NFATC4: variants seen among roughly 807,000 people sequenced by gnomAD.
NFATC4 encodes nuclear factor of activated T cells 4.
Under a neutral mutation model 73.4 loss-of-function variants are expected in NFATC4, and 25 were observed. The observed-to-expected ratio is 0.34, with a 90% CI of 0.25 to 0.48. NFATC4 has a LOEUF of 0.48. Among genes scored for constraint, NFATC4 ranks in the 20% least tolerant of loss-of-function variants. The probability of loss-of-function intolerance (pLI) is 0.99; values close to 1 mark genes in which losing one functional copy is unlikely to be tolerated. For synonymous variants in NFATC4, 523 were observed against 510.3 expected (o/e 1.02, Z -0.34); for missense variants, 1,130 against 1,203.7 (o/e 0.94, Z 0.91).
At position 24,369,505 on chromosome 14, in the gene NFATC4, A is replaced by G; in HGVS notation, c.107A>G (p.Asp36Gly). The G allele has an allele frequency of 1.2e-6, 2 of 1,611,064 alleles. No homozygotes were observed. The highest frequency in any genetic ancestry group is 1.7e-6 in the Non-Finnish European group (2 of 1,178,120). Residue 36 changes from aspartate (D) to glycine (G), a missense_variant, in exon 2 of 10, where the codon GAC becomes GGC. Physicochemically the swap from Asp to Gly is moderately conservative, Grantham distance 94 (BLOSUM62 -1). Coordinates refer to ENST00000250373, the MANE Select transcript of NFATC4 (RefSeq NM_004554.5). Reference sequence around the variant, plus strand: ...CCTCTTCCCATTTTGACAGAACTGGACTCAGAGGATGCCCCGCCATGCTGC... The same window carrying G: ...CCTCTTCCCATTTTGACAGAACTGGGCTCAGAGGATGCCCCGCCATGCTGC... ...LGAGGLGEEL[D>G]SEDAPPCCRL...
At chr14:24,368,131 T>C, upstream of NFATC4, 1 of 1,133,462 alleles carries the variant, frequency 8.8e-7, no homozygotes, top group Non-Finnish European at 1.1e-6. Context: ...AGGGACAGGC[T>C]GGGGGGGGGA....
Position 24,377,383 on chromosome 14 carries a change from A to C in NFATC4, c.2642-255A>C. ...CCCTGCTGATACCGATTCCCCTGAC[A>C]TTTCAGGCTAAGCCAGCAGGAAAGG... On this transcript the variant is annotated intron_variant, in intron 9 of 9. Coordinates refer to ENST00000250373, the MANE Select transcript of NFATC4 (RefSeq NM_004554.5). This position sits in a 1 kb window ranked among gnomAD's most constrained non-coding sequence, Gnocchi z 4.2. The C allele has an allele frequency of 7.3e-7, 1 of 1,362,414 alleles. No homozygotes were observed. Among genetic ancestry groups the C allele is most frequent in the Non-Finnish European group, 9.4e-7 (1 of 1,058,428 alleles). The allele number at this position is 1,362,414 out of a possible 1,614,324, so 84.4% of individuals were successfully genotyped here. A position where few individuals can be genotyped will look rare whatever the true frequency, so the allele number is the denominator to read the frequency against.
chr14:24,379,116 G>C lies in NFATC4; in HGVS notation c.*1411G>C, dbSNP rs1304677760. The C allele has an allele frequency of 6.6e-6, 1 of 152,326 alleles. No individual in the cohort carries two copies. Among genetic ancestry groups the C allele is most frequent in the Admixed American group, 6.5e-5 (1 of 15,286 alleles). 9.4% of individuals were successfully genotyped at this position (152,326 alleles called of 1,614,324 possible). A position where few individuals can be genotyped will look rare whatever the true frequency, so the allele number is the denominator to read the frequency against. ...CTAGCAAGTACTCAGGAGAGCAGGG[G>C]TGGGTGTGACAGAGGCTGGCTCTGG... On this transcript the variant is annotated 3_prime_UTR_variant, in exon 10 of 10. Coordinates refer to ENST00000250373, the MANE Select transcript of NFATC4 (RefSeq NM_004554.5).
At chr14:24,367,317 G>T, upstream of NFATC4, 1 of 1,545,292 alleles carries the variant, frequency 6.5e-7, no homozygotes, top group South Asian at 1.2e-5. Context: ...AACCTGGCAA[G>T]GATTTTTAGA....
rs73593209 is a variant in NFATC4 at position 24,377,499 on chromosome 14, C to A, written c.2642-139C>A. On this transcript the variant is annotated intron_variant, in intron 9 of 9. Coordinates refer to ENST00000250373, the MANE Select transcript of NFATC4 (RefSeq NM_004554.5). This position sits in a 1 kb window ranked among gnomAD's most constrained non-coding sequence, Gnocchi z 4.2. ...CAAGACGTGTTGGGGAAACTGAGGC[C>A]CAGTGGAATAGAAGCCAGTAGAGGA... 419 of 1,475,900 alleles carry A rather than the reference C, an allele frequency of 2.8e-4. 1 individual carries two copies. The African/African-American group carries it at 5.6e-3, about 20-fold the overall frequency. The allele number at this position is 1,475,900 out of a possible 1,614,324, so 91.4% of individuals were successfully genotyped here.
At position 24,376,005 on chromosome 14, in the gene NFATC4, A is replaced by C. The variant is rs1392389031; in HGVS notation, c.1960A>C (p.Ser654Arg). The change falls in exon 8 of 10, where the codon AGC (serine) becomes CGC (arginine). Residue 654 changes from serine (S) to arginine (R), a missense_variant. Around this residue, in one of 3 missense-constraint regions of NFATC4, gnomAD observed 390 missense variants for 408.1 expected, o/e 0.96. Transcript: ENST00000250373. The surrounding 1 kb of genome is among the most constrained non-coding windows in gnomAD (Gnocchi z 5.0). ...VTLTLTVPEY[S>R]NKRVSRPVQV... ...GCTGACCCTGACTGTCCCCGAGTAC[A>C]GCAACAAGAGGGTTTCCCGGCCAGT... 1 of 1,614,050 alleles carries C rather than the reference A, an allele frequency of 6.2e-7. No homozygotes were observed. The highest frequency in any genetic ancestry group is 8.5e-7 in the Non-Finnish European group (1 of 1,179,978).
intron 1 of NFATC4, 64 bp from the exon 2 acceptor site, chr14:24,369,435 C>CA (rs1208299153): frequency 6.2e-7 from 1 of 1,610,018 alleles, no homozygotes; most frequent in Non-Finnish European, 8.5e-7. Context: ...ACTCAAGGAA[C>CA]ATAGCCATCT....
In NFATC4 at chr14:24,376,746, G is replaced by A. The variant is rs1299179793; in HGVS notation, c.2509G>A (p.Ala837Thr). Residue 837 changes from alanine to threonine, a missense_variant, in exon 9 of 10, where the codon GCT becomes ACT. Physicochemically the swap from Ala to Thr is moderately conservative, Grantham distance 58. This residue lies in a region of NFATC4 where 390 missense variants were observed against 408.1 expected (regional missense o/e 0.96). Transcript: ENST00000250373. This position sits in a 1 kb window ranked among gnomAD's most constrained non-coding sequence, Gnocchi z 5.0. ...PSQSDVHPLP[A>T]EGYNKVGPGY... The stretch of plus-strand genomic sequence containing the variant: ...CCAGAGTGATGTGCATCCCCTACCT[G>A]CTGAGGGATACAATAAGGTAGGGCC... 1.2e-6 allele frequency: 2 copies of A among 1,613,926 alleles called. No homozygotes were observed. Among genetic ancestry groups the A allele is most frequent in the Non-Finnish European group, 1.7e-6 (2 of 1,179,960 alleles).
rs540072413 is a variant in NFATC4 at position 24,378,005 on chromosome 14, T to C, written c.*300T>C. 1.9e-5 allele frequency: 10 copies of C among 513,902 alleles called. No individual in the cohort carries two copies. The Admixed American group carries it at 3.3e-4, about 17-fold the overall frequency. The allele number at this position is 513,902 out of a possible 1,614,324, so 31.8% of individuals were successfully genotyped here. A position where few individuals can be genotyped will look rare whatever the true frequency, so the allele number is the denominator to read the frequency against. ...TGTCTAGAGTGTGGGCTGGCTGTTG[T>C]GCTGGAAAGCTGGGGACAGGTTGAT... On this transcript the variant is annotated 3_prime_UTR_variant, in exon 10 of 10. Coordinates refer to ENST00000250373, the MANE Select transcript of NFATC4 (RefSeq NM_004554.5).
In NFATC4 at chr14:24,368,421, C is replaced by CCCA. The variant is rs2042364954; in HGVS notation, c.81_82insCCA (p.Gly27_Ala28insPro). On this transcript the variant is annotated inframe_insertion, in exon 1 of 10. Transcript: ENST00000250373. ...AGGAAAAGGAGGCCCCCCCGCTGGGCGCGGGGGGATTGGGGGAAGGTTAGT... is the reference window on the plus strand; with the variant it reads ...AGGAAAAGGAGGCCCCCCCGCTGGGCCCAGCGGGGGGATTGGGGGAAGGTTAGT... 3 of 1,322,456 alleles carry CCCA rather than the reference C, an allele frequency of 2.3e-6. No homozygotes were observed. Among genetic ancestry groups the CCCA allele is most frequent in the African/African-American group, 3.1e-5 (2 of 64,408 alleles). The allele number at this position is 1,322,456 out of a possible 1,614,324, so 81.9% of individuals were successfully genotyped here.
intron 1 of NFATC4, chr14:24,369,112 A>G (rs2042390355): frequency 7.0e-7 from 1 of 1,423,640 alleles, no homozygotes; most frequent in Non-Finnish European, 9.2e-7. Flanking sequence ...GGCTCCTGCC[A>G]GCGCCGTTTG....
rs1376682156 is a variant in NFATC4, at chr14:24,368,397, G to A, written c.57G>A (p.Glu19=). ...TGGAATTTAAGCTGGTGTTCGGGGAGGAAAAGGAGGCCCCCCCGCTGGGCG... is the reference window on the plus strand; with the variant it reads ...TGGAATTTAAGCTGGTGTTCGGGGAAGAAAAGGAGGCCCCCCCGCTGGGCG... ...EELEFKLVFG[E]EKEAPPLGAG... The change falls in exon 1 of 10, where the codon GAG becomes GAA. Residue 19 remains glutamate (E), a synonymous_variant. Transcript: ENST00000250373. The A allele has an allele frequency of 8.1e-6, 11 of 1,356,726 alleles. No homozygotes were observed. Among genetic ancestry groups the A allele is most frequent in the Non-Finnish European group, 1.0e-5 (11 of 1,053,056 alleles). The allele number at this position is 1,356,726 out of a possible 1,614,324, so 84.0% of individuals were successfully genotyped here. A position where few individuals can be genotyped will look rare whatever the true frequency, so the allele number is the denominator to read the frequency against.
Position 24,378,789 on chromosome 14 carries a change from CTGG to C in NFATC4, c.*1085_*1087del, listed in dbSNP as rs2042697778. The C allele has an allele frequency of 1.3e-5, 2 of 152,414 alleles. No individual in the cohort carries two copies. The highest frequency in any genetic ancestry group is 2.9e-5 in the Non-Finnish European group (2 of 68,176). 9.4% of individuals were successfully genotyped at this position (152,414 alleles called of 1,614,324 possible). On this transcript the variant is annotated 3_prime_UTR_variant, in exon 10 of 10. Transcript: ENST00000250373. Reference sequence around the variant, plus strand: ...GGCCTATCCTGCAAATATGCCCATGCTGGCCTTCTAAATAGCTGGTACATCCAT... The same window carrying C: ...GGCCTATCCTGCAAATATGCCCATGCCCTTCTAAATAGCTGGTACATCCAT...
intron 1 of NFATC4, among the ~76,000 whole-genome samples, chr14:24,368,647 TG>T (rs1251110479): frequency 5.3e-5 from 1 of 19,004 alleles, no homozygotes; most frequent in East Asian, 1.8e-3. Context: ...GGGGTGGGGG[TG>T]GGGGTGCTGT....
At chr14:24,368,928 G>T (rs963432873) in intron 1 of NFATC4, 4 of 536,326 alleles carry the variant, frequency 7.5e-6, no homozygotes, top group Non-Finnish European at 9.8e-6. Flanking sequence ...GCCGCCGCTC[G>T]CACGAATCCG....
At chr14:24,367,460 T>G (rs2042337620), upstream of NFATC4, 1 of 1,535,682 alleles carries the variant, frequency 6.5e-7, no homozygotes, top group Admixed American at 2.0e-5. Context: ...CGGCAAAGCC[T>G]GGCCTGGATC....
chr14:24,373,036 T>TC lies in NFATC4; in HGVS notation c.1360-131dup. On this transcript the variant is annotated intron_variant, in intron 3 of 9. Coordinates refer to ENST00000250373, the MANE Select transcript of NFATC4 (RefSeq NM_004554.5). This position sits in a 1 kb window ranked among gnomAD's most constrained non-coding sequence, Gnocchi z 4.7. ...GTTTTCTCCACAACGGGTGCCCAGT[T>TC]CCCCAAGGGATTCCCTTGCAGGATA... 1 of 893,630 alleles carries TC rather than the reference T, an allele frequency of 1.1e-6. No individual in the cohort carries two copies. Among genetic ancestry groups the TC allele is most frequent in the Non-Finnish European group, 1.7e-6 (1 of 597,754 alleles). 55.4% of individuals were successfully genotyped at this position (893,630 alleles called of 1,614,324 possible). A position where few individuals can be genotyped will look rare whatever the true frequency, so the allele number is the denominator to read the frequency against.
intron 2 of NFATC4, among the ~76,000 whole-genome samples, chr14:24,370,808 G>C (rs1038193404): frequency 6.6e-6 from 1 of 152,234 alleles, no homozygotes; most frequent in African/African-American, 2.4e-5. Context: ...ACAGTTCCCT[G>C]TGGGACAATT....
chr14:24,374,746 G>A, intron 6 of NFATC4: 1 of 286,672 alleles, frequency 3.5e-6, no homozygotes, highest in Non-Finnish European at 6.6e-6. Flanking sequence ...ATGTAGATAG[G>A]GTATATGAGG....
Sources: gnomAD v4.1 joint callset for allele counts (sites outside exome capture counted in the v4.1 genomes callset) on GRCh38, gnomAD v4.1.1 for gene constraint, gnomAD v4.1.1 regional missense constraint, Gnocchi (gnomAD v3.1) non-coding constraint, MANE v1.5 for transcripts, NCBI Gene and HGNC (gene_info 2026-07-23, HGNC 2026-07-21) for gene names.